TYW1: variants seen among roughly 807,000 people sequenced by gnomAD.
TYW1 encodes S-adenosyl-L-methionine-dependent tRNA 4-demethylwyosine synthase TYW1.
Under a neutral mutation model 96.2 loss-of-function variants are expected in TYW1, and 46 were observed. That is an observed-to-expected ratio of 0.48 (90% CI 0.38 to 0.61). The LOEUF is 0.61. Ranked by LOEUF, TYW1 falls within the 20% of genes least tolerant of loss-of-function variation. The probability of loss-of-function intolerance (pLI) is 0.00; values close to 1 mark genes in which losing one functional copy is unlikely to be tolerated. For synonymous variants in TYW1, 274 were observed against 323.0 expected, an observed-to-expected ratio of 0.85 and a Z score of 1.63; for missense variants, 684 against 909.6, an observed-to-expected ratio of 0.75 and a Z score of 3.19.
At chr7:67,182,008 T>A (rs892084444) in intron 13 of TYW1, among the ~76,000 whole-genome samples, 1 of 152,098 alleles carries the variant, frequency 6.6e-6, no homozygotes, top group Non-Finnish European at 1.5e-5. Context: ...TTTGTATTTT[T>A]AGTAGAGACG....
At chr7:67,011,618 TC>T (rs967917262) in intron 4 of TYW1, among the ~76,000 whole-genome samples, 1 of 151,964 alleles carries the variant, frequency 6.6e-6, no homozygotes, top group Non-Finnish European at 1.5e-5. Flanking sequence ...ACGCCTGTAA[TC>T]CCAGCACTTT....
At chr7:67,113,966 A>T (rs1233910654) in intron 12 of TYW1, among the ~76,000 whole-genome samples, 2 of 152,014 alleles carry the variant, frequency 1.3e-5, no homozygotes, top group East Asian at 1.9e-4. Context: ...AGATCCTTGC[A>T]CACGTTACTT....
At position 67,083,445 on chromosome 7, in the gene TYW1, C is replaced by A. The variant is rs573837011; in HGVS notation, c.1290C>A (p.Pro430=). 1.2e-6 allele frequency: 2 copies of A among 1,611,546 alleles called. No individual in the cohort carries two copies. Among genetic ancestry groups the A allele is most frequent in the South Asian group, 2.2e-5 (2 of 90,834 alleles). Residue 430 remains proline (P), a synonymous_variant, in exon 11 of 16, where the codon CCC becomes CCA. Transcript: ENST00000359626. ...TTGTTCCTAGGCACCACACCAACCC[C>A]GTGGGCACTGAGTGGCGGTGGAAGA... ...CVFCWRHHTN[P]VGTEWRWKMD... is the part of the protein sequence containing the mutation.
intron 13 of TYW1, among the ~76,000 whole-genome samples, chr7:67,178,524 T>C (rs935401565): frequency 6.6e-6 from 1 of 152,198 alleles, no homozygotes; most frequent in African/African-American, 2.4e-5. Context: ...TTATAATAGC[T>C]AAAACCTGGA....
At chr7:67,121,465 G>C (rs10241334) in intron 13 of TYW1, among the ~76,000 whole-genome samples, 42,061 of 151,994 alleles carry the variant, frequency 0.28, 6,668 homozygotes, top group African/African-American at 0.44. Flanking sequence ...TGCTTCAACC[G>C]AGGAGGCGGA....
intron 13 of TYW1, among the ~76,000 whole-genome samples, chr7:67,176,842 G>C (rs1799688516): frequency 6.6e-6 from 1 of 152,004 alleles, no homozygotes; most frequent in South Asian, 2.1e-4. Context: ...TTAGGAAAAG[G>C]GTTGGGGAGA....
chr7:67,148,726 C>T (rs7783776), intron 13 of TYW1, among the ~76,000 whole-genome samples: 29,889 of 152,004 alleles, frequency 0.2, 3,706 homozygotes, highest in African/African-American at 0.35. Flanking sequence ...CCACTGTGCC[C>T]GGCTGTTGAA....
intron 14 of TYW1, among the ~76,000 whole-genome samples, chr7:67,188,690 A>G (rs1485404816): frequency 1.3e-5 from 2 of 152,166 alleles, no homozygotes; most frequent in African/African-American, 4.8e-5. Context: ...TGCGTTTGGT[A>G]AAAAGGAAAA....
chr7:67,045,200 AT>A (rs143079125), intron 7 of TYW1, among the ~76,000 whole-genome samples: 45 of 150,426 alleles, frequency 3.0e-4, no homozygotes, highest in African/African-American at 4.9e-4. Context: ...GTATCGTATG[AT>A]TTTTTTTTTA....
chr7:67,042,597 AG>A (rs1026850634), intron 7 of TYW1, among the ~76,000 whole-genome samples: 2 of 152,074 alleles, frequency 1.3e-5, no homozygotes, highest in African/African-American at 4.8e-5. Flanking sequence ...CCTGCAGTGG[AG>A]GGGGCTGAGC....
At chr7:67,206,585 C>T (rs1471348359) in intron 15 of TYW1, among the ~76,000 whole-genome samples, 4 of 150,970 alleles carry the variant, frequency 2.6e-5, no homozygotes, top group African/African-American at 4.9e-5. Flanking sequence ...GAGCCAAGAT[C>T]GTGCCACTGG....
chr7:67,095,857 G>C (rs1796893471), intron 11 of TYW1, among the ~76,000 whole-genome samples: 2 of 152,142 alleles, frequency 1.3e-5, no homozygotes, highest in Non-Finnish European at 2.9e-5. Flanking sequence ...AGGCACAACT[G>C]AGCAGTGAAA....
Position 67,066,032 on chromosome 7 carries a change from CCCACA to C in TYW1, c.1156-1250_1156-1246del, listed in dbSNP as rs750398757. Among the ~76,000 whole-genome samples the C allele has an allele frequency of 1.4e-3, 133 of 95,772 alleles. 1 individual carries two copies. Among genetic ancestry groups the C allele is most frequent in the East Asian group, 4.4e-3 (13 of 2,988 alleles). The allele number at this position is 95,772 out of a possible 152,430, so 62.8% of individuals were successfully genotyped here. ...ACACACACACACACACACACACACA[CCCACA>C]CCCCTATACACGTGTAAAGGCTACT... is the stretch of plus-strand genomic sequence containing the variant. On this transcript the variant is annotated intron_variant, in intron 9 of 15. Transcript: ENST00000359626.
chr7:67,021,650 C>G (rs895522833), intron 6 of TYW1, among the ~76,000 whole-genome samples: 5 of 151,522 alleles, frequency 3.3e-5, no homozygotes, highest in Non-Finnish European at 5.9e-5. Context: ...TTGTGAGGAC[C>G]AGGGGAATGT....
chr7:67,235,382 C>T (rs1801851866), intron 15 of TYW1, among the ~76,000 whole-genome samples: 1 of 152,148 alleles, frequency 6.6e-6, no homozygotes, highest in Non-Finnish European at 1.5e-5. Flanking sequence ...GATTTTTGGC[C>T]TCATTTGACT....
intron 15 of TYW1, among the ~76,000 whole-genome samples, chr7:67,211,665 C>T (rs1246568578): frequency 1.3e-5 from 2 of 152,214 alleles, no homozygotes; most frequent in Non-Finnish European, 2.9e-5. Flanking sequence ...CTAGCCTCCT[C>T]CCCTTGCTCA....
intron 15 of TYW1, 54 bp downstream of exon 15, chr7:67,195,391 C>T: frequency 6.2e-7 from 1 of 1,604,192 alleles, no homozygotes; most frequent in South Asian, 1.1e-5. Context: ...CTGTTCTTTC[C>T]TTCTCTTCTC....
At chr7:67,126,178 A>G (rs1295754537) in intron 13 of TYW1, among the ~76,000 whole-genome samples, 1 of 89,336 alleles carries the variant, frequency 1.1e-5, no homozygotes, top group Non-Finnish European at 2.3e-5. Flanking sequence ...TTGTATTCCC[A>G]TGAGCAATGG....
intron 11 of TYW1, among the ~76,000 whole-genome samples, chr7:67,095,704 G>GCCA (rs1563010504): frequency 7.0e-6 from 1 of 142,346 alleles, no homozygotes; most frequent in Non-Finnish European, 1.5e-5. Flanking sequence ...AACAACAGCA[G>GCCA]CAGCAGCAGC....
Sources: gnomAD v4.1 joint callset for allele counts (sites outside exome capture counted in the v4.1 genomes callset) on GRCh38, gnomAD v4.1.1 for gene constraint, MANE v1.5 for transcripts, NCBI Gene and HGNC (gene_info 2026-07-23, HGNC 2026-07-21) for gene names.